PLIN5: variants seen among roughly 807,000 people sequenced by gnomAD.
The protein encoded by PLIN5 is perilipin-5.
PLIN5 carries 34 observed loss-of-function variants against 32.8 expected under a neutral mutation model. The observed-to-expected ratio is 1.04, with a 90% CI of 0.79 to 1.38. The LOEUF (loss-of-function observed/expected upper bound fraction) is 1.38, where lower values mean the gene tolerates loss of function less well. Ranked by LOEUF, PLIN5 falls within the 40% of genes most tolerant of loss-of-function variation. PLIN5 has a pLI of 0.00. For missense variants in PLIN5, 712 were observed against 660.5 expected (o/e 1.08, Z -0.85); for synonymous variants, 309 against 292.9 (o/e 1.05, Z -0.56).
chr19:4,525,905 CACGGGGACAGGAT>C lies in PLIN5; in HGVS notation c.521-86_521-74del, dbSNP rs1246126971. The C allele has an allele frequency of 2.0e-4, 108 of 531,430 alleles. No individual in the cohort carries two copies. Among genetic ancestry groups the C allele is most frequent in the South Asian group, 6.5e-4 (31 of 47,592 alleles). The allele number at this position is 531,430 out of a possible 1,614,324, so 32.9% of individuals were successfully genotyped here. ...GCACGGGGACAGGATACGGGGACAG[CACGGGGACAGGAT>C]ACGGGGACAGCACGGGGACAGGATA... On this transcript the variant is annotated intron_variant, in intron 5 of 7. Transcript: ENST00000381848. The surrounding 1 kb of genome is among the most constrained non-coding windows in gnomAD (Gnocchi z 5.6).
chr19:4,529,999 G>A, intron 3 of PLIN5, 133 bp from the exon 4 acceptor site: 1 of 508,820 alleles, frequency 2.0e-6, no homozygotes, highest in Non-Finnish European at 3.5e-6. Context: ...GGATAAGACA[G>A]GGAGAAACAA....
rs948704579 is a variant in PLIN5, at chr19:4,523,676, T to C, written c.1244A>G (p.Gln415Arg). The change falls in exon 8 of 8, where the codon CAG (glutamine) becomes CGG (arginine). Residue 415 changes from glutamine (Q) to arginine (R), a missense_variant. Physicochemically the swap from Gln to Arg is conservative, Grantham distance 43. Coordinates refer to ENST00000381848, the MANE Select transcript of PLIN5 (RefSeq NM_001013706.3). This position sits in a 1 kb window ranked among gnomAD's most constrained non-coding sequence, Gnocchi z 5.0. ...PRWAHLDWPAQQRAWEAEHRD... is the reference protein window; with the variant it reads ...PRWAHLDWPARQRAWEAEHRD... Reference sequence around the variant, plus strand: ...GTGCTCTGCCTCCCAGGCTCTCTGCTGGGCCGGCCAGTCCAGGTGCGCCCA... The same window carrying C: ...GTGCTCTGCCTCCCAGGCTCTCTGCCGGGCCGGCCAGTCCAGGTGCGCCCA... 4 of 1,608,338 alleles carry C rather than the reference T, an allele frequency of 2.5e-6. No homozygotes were observed. In the African/African-American group the frequency reaches 4.0e-5, roughly 16 times the overall value.
At position 4,531,645 on chromosome 19, in the gene PLIN5, C is replaced by G. The variant is rs760169431; in HGVS notation, c.238G>C (p.Glu80Gln). 2.0e-6 allele frequency: 3 copies of G among 1,526,328 alleles called. No homozygotes were observed. Among genetic ancestry groups the G allele is most frequent in the South Asian group, 2.4e-5 (2 of 82,178 alleles). 94.5% of individuals were successfully genotyped at this position (1,526,328 alleles called of 1,614,324 possible). A position where few individuals can be genotyped will look rare whatever the true frequency, so the allele number is the denominator to read the frequency against. ...CACTCACGCTGGGGCTGCAGGTGCT[C>G]GAGCAGCGGCTGGGCGTGGTCCAGG... The part of the protein sequence containing the change: ...RALDHAQPLL[E>Q]HLQPQLATMN... The change falls in exon 3 of 8, where the codon GAG becomes CAG. Residue 80 changes from glutamate (E) to glutamine (Q), a missense_variant. Physicochemically the swap from Glu to Gln is conservative, Grantham distance 29. Transcript: ENST00000381848.
At chr19:4,534,440 C>T (rs11666984) in intron 1 of PLIN5, among the ~76,000 whole-genome samples, 11,869 of 152,136 alleles carry the variant, frequency 0.078, 564 homozygotes, top group African/African-American at 0.12. Context: ...TGGCGCCATC[C>T]CAGCTCACTG....
At chr19:4,533,971 C>A in intron 2 of PLIN5, 44 bp downstream of exon 2, 1 of 1,592,880 alleles carries the variant, frequency 6.3e-7, no homozygotes, top group Non-Finnish European at 8.6e-7. Context: ...GACTGTCCCA[C>A]ACAATACCTT....
In PLIN5 at chr19:4,523,712, G is replaced by A. The variant is rs763513356; in HGVS notation, c.1208C>T (p.Pro403Leu). Residue 403 changes from proline to leucine, a missense_variant, in exon 8 of 8, where the codon CCT becomes CTT. Pro to Leu is a moderately conservative substitution (Grantham distance 98). Coordinates refer to ENST00000381848, the MANE Select transcript of PLIN5 (RefSeq NM_001013706.3). This position sits in a 1 kb window ranked among gnomAD's most constrained non-coding sequence, Gnocchi z 5.0. ...ADLVDEVIGG[P>L]DPRWAHLDWP... ...GTCCAGGTGCGCCCAGCGGGGGTCA[G>A]GGCCCCCGATGACCTCGTCCACCAG... is the stretch of plus-strand genomic sequence containing the variant. The A allele has an allele frequency of 6.2e-7, 1 of 1,603,748 alleles. No homozygotes were observed. Among genetic ancestry groups the A allele is most frequent in the African/African-American group, 1.3e-5 (1 of 74,898 alleles).
chr19:4,522,835 A>G lies in PLIN5; in HGVS notation c.*693T>C, dbSNP rs1343629778. ...AGTGCTGTGATAACAGGTGTCAACC[A>G]CCACACCCAGTCAGGGCTCACTTTT... On this transcript the variant is annotated 3_prime_UTR_variant, in exon 8 of 8. Transcript: ENST00000381848. The G allele has an allele frequency of 2.6e-5, 4 of 152,044 alleles. No individual in the cohort carries two copies. The highest frequency in any genetic ancestry group is 5.9e-5 in the Non-Finnish European group (4 of 68,014). The allele number at this position is 152,044 out of a possible 1,614,324, so 9.4% of individuals were successfully genotyped here. A position where few individuals can be genotyped will look rare whatever the true frequency, so the allele number is the denominator to read the frequency against.
chr19:4,524,022 C>A lies in PLIN5; in HGVS notation c.898G>T (p.Ala300Ser). ...LTQELQGTVE[A>S]LESSVRGLPA... ...AGGCCCCGCACGCTGGACTCCAGAGCCTCTACCGTGCCCTGCAGCTCCTGG... is the reference window on the plus strand; with the variant it reads ...AGGCCCCGCACGCTGGACTCCAGAGACTCTACCGTGCCCTGCAGCTCCTGG... Residue 300 changes from alanine (A) to serine (S), a missense_variant, in exon 8 of 8, where the codon GCT (alanine) becomes TCT (serine). By Grantham distance (99) the Ala-to-Ser change is moderately conservative. Transcript: ENST00000381848. The A allele has an allele frequency of 6.6e-7, 1 of 1,506,096 alleles. No homozygotes were observed. The highest frequency in any genetic ancestry group is 8.8e-7 in the Non-Finnish European group (1 of 1,135,940). The allele number at this position is 1,506,096 out of a possible 1,614,324, so 93.3% of individuals were successfully genotyped here. A position where few individuals can be genotyped will look rare whatever the true frequency, so the allele number is the denominator to read the frequency against.
chr19:4,534,838 A>C (rs954462747), intron 1 of PLIN5, among the ~76,000 whole-genome samples: 1 of 152,156 alleles, frequency 6.6e-6, no homozygotes, highest in Non-Finnish European at 1.5e-5. Context: ...CTCACAGCTC[A>C]TTTGACAGAC....
rs951529691 is a variant in PLIN5 at position 4,524,862 on chromosome 19, G to T, written c.834+101C>A. On this transcript the variant is annotated intron_variant, in intron 7 of 7. Transcript: ENST00000381848. ...ACTTGGTTTGAGATAGCTTGAGTTG[G>T]GTCCCCGGCAGTACTGGGCTGACCC... The T allele has an allele frequency of 3.8e-5, 37 of 978,986 alleles. No individual in the cohort carries two copies. In the African/African-American group the frequency reaches 6.1e-4, roughly 16 times the overall value. The allele number at this position is 978,986 out of a possible 1,614,324, so 60.6% of individuals were successfully genotyped here. A position where few individuals can be genotyped will look rare whatever the true frequency, so the allele number is the denominator to read the frequency against.
intron 2 of PLIN5, 66 bp downstream of exon 2, chr19:4,533,949 G>T: frequency 5.2e-6 from 8 of 1,540,336 alleles, no homozygotes; most frequent in Non-Finnish European, 7.1e-6. Flanking sequence ...GGCCTGAAAC[G>T]CTCCTAGAAG....
chr19:4,525,181 G>C lies in PLIN5; in HGVS notation c.721-105C>G. The C allele has an allele frequency of 1.4e-6, 1 of 709,856 alleles. No individual in the cohort carries two copies. The highest frequency in any genetic ancestry group is 4.1e-4 in the Middle Eastern group (1 of 2,414). The allele number at this position is 709,856 out of a possible 1,614,324, so 44.0% of individuals were successfully genotyped here. On this transcript the variant is annotated intron_variant, in intron 6 of 7. Transcript: ENST00000381848. This position sits in a 1 kb window ranked among gnomAD's most constrained non-coding sequence, Gnocchi z 5.6. Reference sequence around the variant, plus strand: ...ATCTGGCCTCAGTAAGCATTTAGGAGACCGAGGCAGGTTGTGCAGGGCCGT... The same window carrying C: ...ATCTGGCCTCAGTAAGCATTTAGGACACCGAGGCAGGTTGTGCAGGGCCGT...
chr19:4,529,024 T>C (rs377603189), intron 5 of PLIN5, 49 bp downstream of exon 5: 11 of 1,573,868 alleles, frequency 7.0e-6, no homozygotes, highest in Non-Finnish European at 8.6e-6. Context: ...CCACAGGGGA[T>C]GGGGACGGGG....
rs13344467 is a variant in PLIN5, at chr19:4,523,008, G to C, written c.*520C>G. 3 of 152,416 alleles carry C rather than the reference G, an allele frequency of 2.0e-5. No individual in the cohort carries two copies. The highest frequency in any genetic ancestry group is 7.2e-5 in the African/African-American group (3 of 41,422). The allele number at this position is 152,416 out of a possible 1,614,324, so 9.4% of individuals were successfully genotyped here. A position where few individuals can be genotyped will look rare whatever the true frequency, so the allele number is the denominator to read the frequency against. On this transcript the variant is annotated 3_prime_UTR_variant, in exon 8 of 8. Coordinates refer to ENST00000381848, the MANE Select transcript of PLIN5 (RefSeq NM_001013706.3). The surrounding 1 kb of genome is among the most constrained non-coding windows in gnomAD (Gnocchi z 5.0). ...GCTCACTGCAAGCTCCGCGCCTCTC[G>C]GGTTTAAGCAATTCTTCTGCGTCAG... is the stretch of plus-strand genomic sequence containing the variant.
At chr19:4,530,736 G>A (rs766032033) in intron 3 of PLIN5, among the ~76,000 whole-genome samples, 4 of 152,098 alleles carry the variant, frequency 2.6e-5, no homozygotes, top group South Asian at 4.1e-4. Flanking sequence ...GCAGTGGTGC[G>A]ATCTCGGCTT....
Position 4,525,007 on chromosome 19 carries a change from C to A in PLIN5, c.790G>T (p.Gly264Trp). 6.6e-7 allele frequency: 1 copy of A among 1,516,978 alleles called. No homozygotes were observed. The allele number at this position is 1,516,978 out of a possible 1,614,324, so 94.0% of individuals were successfully genotyped here. A position where few individuals can be genotyped will look rare whatever the true frequency, so the allele number is the denominator to read the frequency against. ...TCCGGAGGGCGCTGGCCCCATTCCCCCCACAGCTCGTGCACCTTCCCAGGG... is the reference window on the plus strand; with the variant it reads ...TCCGGAGGGCGCTGGCCCCATTCCCACCACAGCTCGTGCACCTTCCCAGGG... ...ACPGKVHELWGEWGQRPPESR... is the reference protein window; with the variant it reads ...ACPGKVHELWWEWGQRPPESR... The change falls in exon 7 of 8, where the codon GGG (glycine) becomes TGG (tryptophan). Residue 264 changes from glycine (G) to tryptophan (W), a missense_variant. Gly to Trp is a radical substitution (Grantham distance 184). Coordinates refer to ENST00000381848, the MANE Select transcript of PLIN5 (RefSeq NM_001013706.3). The surrounding 1 kb of genome is among the most constrained non-coding windows in gnomAD (Gnocchi z 5.6).
At chr19:4,530,091 A>G (rs545860870) in intron 3 of PLIN5, among the ~76,000 whole-genome samples, 2 of 152,188 alleles carry the variant, frequency 1.3e-5, no homozygotes, top group Non-Finnish European at 2.9e-5. Flanking sequence ...CTTACACCAA[A>G]GACGCTGGGG....
intron 1 of PLIN5, chr19:4,534,355 T>C (rs1184963163): frequency 1.1e-5 from 5 of 473,398 alleles, no homozygotes; most frequent in Non-Finnish European, 1.9e-5. Context: ...TGGGTTCAAA[T>C]GCTACCATTA....
At chr19:4,526,605 C>G (rs1452918882) in intron 5 of PLIN5, among the ~76,000 whole-genome samples, 1 of 152,056 alleles carries the variant, frequency 6.6e-6, no homozygotes. Context: ...CTTTGGGAGG[C>G]CGAGATGGGA....
Sources: gnomAD v4.1 joint callset for allele counts (sites outside exome capture counted in the v4.1 genomes callset) on GRCh38, gnomAD v4.1.1 for gene constraint, Gnocchi (gnomAD v3.1) non-coding constraint, MANE v1.5 for transcripts, NCBI Gene and HGNC (gene_info 2026-07-23, HGNC 2026-07-21) for gene names.